Variants in RMST observed in about 807,000 individuals in gnomAD.
RMST encodes the protein rhabdomyosarcoma 2 associated transcript.
At chr12:97,544,617 T>G (rs1400529238) in intron 11 of RMST, among the ~76,000 whole-genome samples, 2 of 152,086 alleles carry the variant, frequency 1.3e-5, no homozygotes, top group Non-Finnish European at 2.9e-5. Context: ...AATTGTAAAT[T>G]ATGTTCATTA....
chr12:97,520,395 A>G (rs1880391455), intron 10 of RMST, among the ~76,000 whole-genome samples: 4 of 151,828 alleles, frequency 2.6e-5, no homozygotes, highest in Admixed American at 1.3e-4. Flanking sequence ...TGGATTTTTG[A>G]CTCTCTGAAT....
intron 11 of RMST, among the ~76,000 whole-genome samples, chr12:97,556,075 T>C (rs960867376): frequency 2.0e-5 from 3 of 152,272 alleles, no homozygotes; most frequent in Admixed American, 2.0e-4. Flanking sequence ...AAACAAAATA[T>C]TAGCACAAGA....
At chr12:97,490,606 A>C (rs1157383227) in intron 5 of RMST, among the ~76,000 whole-genome samples, 2 of 152,182 alleles carry the variant, frequency 1.3e-5, no homozygotes, top group Middle Eastern at 3.2e-3. Context: ...CGCCGTCATC[A>C]TTATCTTCAT....
intron 5 of RMST, among the ~76,000 whole-genome samples, chr12:97,475,316 T>C (rs1340147012): frequency 6.6e-6 from 1 of 152,062 alleles, no homozygotes; most frequent in Non-Finnish European, 1.5e-5. Context: ...CAAGAGAGGG[T>C]GATTGGAACA....
chr12:97,538,533 G>T (rs551708412), intron 11 of RMST, among the ~76,000 whole-genome samples: 2 of 151,330 alleles, frequency 1.3e-5, no homozygotes, highest in South Asian at 4.1e-4. Context: ...CCTTTCCCAA[G>T]AGGCTAAATA....
At chr12:97,525,697 T>C (rs949406645) in intron 10 of RMST, among the ~76,000 whole-genome samples, 1 of 152,146 alleles carries the variant, frequency 6.6e-6, no homozygotes, top group South Asian at 2.1e-4. Flanking sequence ...AAACAGTATA[T>C]GCAAAAGCCT....
chr12:97,488,652 A>G (rs928006883), intron 5 of RMST, among the ~76,000 whole-genome samples: 2 of 152,104 alleles, frequency 1.3e-5, no homozygotes, highest in African/African-American at 4.8e-5. Flanking sequence ...TCCAGGTGAA[A>G]GTGTGAGATT....
intron 11 of RMST, among the ~76,000 whole-genome samples, chr12:97,540,744 C>T (rs1315539089): frequency 2.0e-5 from 3 of 151,540 alleles, no homozygotes; most frequent in South Asian, 2.1e-4. Context: ...CAATGCCTAA[C>T]GTCAAGTTTA....
At chr12:97,464,670 G>A (rs1872963142) in intron 4 of RMST, 1 of 152,194 alleles carries the variant, frequency 6.6e-6, no homozygotes, top group South Asian at 2.1e-4. Context: ...TTTATCGGTT[G>A]CTAGGTCCTT....
intron 5 of RMST, among the ~76,000 whole-genome samples, chr12:97,473,948 G>A (rs1312772266): frequency 2.0e-5 from 3 of 152,018 alleles, no homozygotes; most frequent in Non-Finnish European, 2.9e-5. Flanking sequence ...TTCTCTGGTG[G>A]AGTTTGTGTT....
intron 10 of RMST, among the ~76,000 whole-genome samples, chr12:97,513,843 T>C (rs1879667030): frequency 6.6e-6 from 1 of 152,114 alleles, no homozygotes; most frequent in African/African-American, 2.4e-5. Context: ...GTGAAGGAAC[T>C]GTATAGGTTA....
chr12:97,542,620 T>C (rs1029518544), intron 11 of RMST, among the ~76,000 whole-genome samples: 3 of 151,844 alleles, frequency 2.0e-5, no homozygotes, highest in African/African-American at 7.2e-5. Flanking sequence ...CCAAAACACA[T>C]AGAATATGAT....
chr12:97,512,205 G>A (rs935043900), intron 10 of RMST, among the ~76,000 whole-genome samples: 2 of 151,878 alleles, frequency 1.3e-5, no homozygotes, highest in African/African-American at 2.4e-5. Context: ...AAGGTGGCGC[G>A]TCTGGCGTTC....
At chr12:97,549,827 T>C (rs1268914279) in intron 11 of RMST, among the ~76,000 whole-genome samples, 1 of 152,142 alleles carries the variant, frequency 6.6e-6, no homozygotes, top group Non-Finnish European at 1.5e-5. Flanking sequence ...TTGATAGAAA[T>C]GGAACTGTTG....
intron 5 of RMST, among the ~76,000 whole-genome samples, chr12:97,476,340 G>C (rs924199018): frequency 1.3e-5 from 2 of 152,242 alleles, no homozygotes; most frequent in Non-Finnish European, 2.9e-5. Context: ...GATAACTTCA[G>C]CTTCTTCTCC....
At chr12:97,509,342 GC>G (rs1490047215) in intron 10 of RMST, among the ~76,000 whole-genome samples, 1 of 152,094 alleles carries the variant, frequency 6.6e-6, no homozygotes. Context: ...AGTATAAAAA[GC>G]TTTTTCATTA....
chr12:97,496,892 A>G lies in RMST; in HGVS notation n.1340+836A>G, dbSNP rs145586587. Among the ~76,000 whole-genome samples the G allele has an allele frequency of 3.8e-3, 584 of 152,328 alleles. 2 individuals are homozygous for G. Among genetic ancestry groups the G allele is most frequent in the Non-Finnish European group, 6.5e-3 (441 of 68,022 alleles). Reference sequence around the variant, plus strand: ...GATCACTCTGTAAGAGTCATCTTGGATAGGTGAATGGAATACACAGTTGCA... The same window carrying G: ...GATCACTCTGTAAGAGTCATCTTGGGTAGGTGAATGGAATACACAGTTGCA... On this transcript the variant is annotated intron_variant and non_coding_transcript_variant, in intron 10 of 13. Transcript: ENST00000640149.
chr12:97,527,631 G>A (rs908319386), intron 10 of RMST, among the ~76,000 whole-genome samples: 5 of 152,062 alleles, frequency 3.3e-5, no homozygotes, highest in African/African-American at 9.6e-5. Flanking sequence ...ATCTTTGTAG[G>A]TATGCCATAA....
At chr12:97,549,948 G>A (rs182809886) in intron 11 of RMST, among the ~76,000 whole-genome samples, 81 of 152,270 alleles carry the variant, frequency 5.3e-4, no homozygotes, top group Non-Finnish European at 1.1e-3. Context: ...ATAGAATTCG[G>A]TATTTTGTAA....
Sources: allele counts gnomAD v4.1 joint callset (sites outside exome capture counted in the v4.1 genomes callset), GRCh38; gene constraint gnomAD v4.1.1; transcripts MANE v1.5; gene names NCBI Gene and HGNC (gene_info 2026-07-23, HGNC 2026-07-21).